Variants in PDE3B observed in about 807,000 individuals in gnomAD.
The protein encoded by PDE3B is cGMP-inhibited 3',5'-cyclic phosphodiesterase 3B.
In PDE3B, 66 loss-of-function variants were observed where a neutral mutation model predicts 116.8. That is an observed-to-expected ratio of 0.56 (90% CI 0.46 to 0.69). The LOEUF is 0.69. Among genes scored for constraint, PDE3B ranks in the 30% least tolerant of loss-of-function variants. PDE3B has a pLI of 0.00. For synonymous variants in PDE3B, 595 were observed against 533.6 expected, an observed-to-expected ratio of 1.12 and a Z score of -1.59; for missense variants, 1,384 against 1,368.1, an observed-to-expected ratio of 1.01 and a Z score of -0.18.
In PDE3B at chr11:14,714,071, T is replaced by A. The variant is rs1028280400; in HGVS notation, c.979-57866T>A. Among the ~76,000 whole-genome samples, 69 of 152,060 alleles carry A rather than the reference T, an allele frequency of 4.5e-4. 1 individual carries two copies. Among genetic ancestry groups the A allele is most frequent in the Admixed American group, 1.2e-3 (18 of 15,278 alleles). On this transcript the variant is annotated intron_variant, in intron 1 of 15. Coordinates refer to ENST00000282096, the MANE Select transcript of PDE3B (RefSeq NM_000922.4). Reference sequence around the variant, plus strand: ...GGCAGTGCGCGTGTGACTTTTTTTTTAAAAAATGACTGTAGCAGGTTGATT... The same window carrying A: ...GGCAGTGCGCGTGTGACTTTTTTTTAAAAAAATGACTGTAGCAGGTTGATT...
chr11:14,851,512 GT>G (rs1410461663), intron 12 of PDE3B, among the ~76,000 whole-genome samples: 7 of 150,028 alleles, frequency 4.7e-5, no homozygotes, highest in Admixed American at 2.0e-4. Context: ...ATAATGGGGT[GT>G]GTGTGTGTGT....
At chr11:14,855,799 T>C (rs1291714591) in intron 12 of PDE3B, among the ~76,000 whole-genome samples, 9 of 152,134 alleles carry the variant, frequency 5.9e-5, no homozygotes, top group Non-Finnish European at 1.3e-4. Context: ...TATTTTCAAG[T>C]TAGAGTTCTA....
intron 12 of PDE3B, among the ~76,000 whole-genome samples, chr11:14,853,375 G>GTAAA (rs1565165915): frequency 2.6e-5 from 4 of 152,222 alleles, no homozygotes; most frequent in Admixed American, 1.3e-4. Flanking sequence ...CATACAAAAA[G>GTAAA]CATTTAGTAA....
intron 1 of PDE3B, among the ~76,000 whole-genome samples, chr11:14,681,544 C>T (rs1481099640): frequency 6.6e-6 from 1 of 152,084 alleles, no homozygotes; most frequent in Non-Finnish European, 1.5e-5. Flanking sequence ...TATAAATTAC[C>T]CAGTCTCAGG....
At chr11:14,860,537 T>A (rs564262558) in intron 13 of PDE3B, among the ~76,000 whole-genome samples, 1 of 152,120 alleles carries the variant, frequency 6.6e-6, no homozygotes, top group Non-Finnish European at 1.5e-5. Flanking sequence ...ATAACAATAT[T>A]TAACATTTTC....
At chr11:14,719,034 T>C (rs1258412220) in intron 1 of PDE3B, among the ~76,000 whole-genome samples, 1 of 109,832 alleles carries the variant, frequency 9.1e-6, no homozygotes, top group Non-Finnish European at 1.8e-5. Context: ...GCAAGACTAA[T>C]AAAGAAAAAA....
chr11:14,859,024 T>C lies in PDE3B; in HGVS notation c.2521-19T>C. On this transcript the variant is annotated intron_variant, in intron 12 of 15. Transcript: ENST00000282096. The stretch of plus-strand genomic sequence containing the variant: ...ATATCTTTGAGGTGTCTGCCTCATT[T>C]TTCTATATTTCTTTTTAGGCAGTTT... 6.4e-7 allele frequency: 1 copy of C among 1,568,790 alleles called. No individual in the cohort carries two copies. Among genetic ancestry groups the C allele is most frequent in the South Asian group, 1.1e-5 (1 of 87,386 alleles).
intron 1 of PDE3B, among the ~76,000 whole-genome samples, chr11:14,737,953 A>C (rs888757677): frequency 8.6e-5 from 13 of 152,022 alleles, no homozygotes; most frequent in African/African-American, 2.7e-4. Context: ...TGAACTCATC[A>C]TTTTTTAAGG....
intron 1 of PDE3B, among the ~76,000 whole-genome samples, chr11:14,763,112 A>C (rs1857406776): frequency 6.6e-6 from 1 of 152,220 alleles, no homozygotes; most frequent in African/African-American, 2.4e-5. Context: ...AGTGGGGGTC[A>C]CAGCAATGTT....
At chr11:14,769,298 G>T (rs1207289716) in intron 1 of PDE3B, among the ~76,000 whole-genome samples, 2 of 151,176 alleles carry the variant, frequency 1.3e-5, no homozygotes, top group Non-Finnish European at 3.0e-5. Context: ...ATATAATATT[G>T]AAATATTGTA....
intron 1 of PDE3B, among the ~76,000 whole-genome samples, chr11:14,742,484 C>T (rs914269029): frequency 1.3e-5 from 2 of 152,190 alleles, no homozygotes; most frequent in Non-Finnish European, 2.9e-5. Context: ...AGCAATTCAT[C>T]TAACCTTTTT....
rs750850153 is a variant in PDE3B at position 14,817,716 on chromosome 11, A to G, written c.1523-467A>G. On this transcript the variant is annotated intron_variant, in intron 5 of 15. Transcript: ENST00000282096. Reference sequence around the variant, plus strand: ...GTGCCACTGGAATCCAGCCTGGGCAATGAAATGAGACCCCATCTCACAGAC... The same window carrying G: ...GTGCCACTGGAATCCAGCCTGGGCAGTGAAATGAGACCCCATCTCACAGAC... Among the ~76,000 whole-genome samples the G allele has an allele frequency of 7.2e-5, 11 of 152,308 alleles. No homozygotes were observed. The South Asian group carries it at 1.2e-3, about 17-fold the overall frequency.
chr11:14,855,040 C>G (rs1555005958), intron 12 of PDE3B, among the ~76,000 whole-genome samples: 1 of 151,848 alleles, frequency 6.6e-6, no homozygotes, highest in Non-Finnish European at 1.5e-5. Context: ...CATCAGAAAA[C>G]AAGTTAGGCT....
At chr11:14,656,006 A>G (rs1853707665) in intron 1 of PDE3B, among the ~76,000 whole-genome samples, 1 of 152,176 alleles carries the variant, frequency 6.6e-6, no homozygotes, top group South Asian at 2.1e-4. Flanking sequence ...GTTTAGAGAG[A>G]TTATTGACAA....
chr11:14,896,846 CATTCTT>C, the PDE3B span, among the ~76,000 whole-genome samples: 4 of 152,206 alleles, frequency 2.6e-5, no homozygotes, highest in African/African-American at 9.6e-5. Flanking sequence ...TTTTCATAAA[CATTCTT>C]ATATTGTGCT....
chr11:14,759,428 C>A (rs1432991214), intron 1 of PDE3B, among the ~76,000 whole-genome samples: 1 of 152,062 alleles, frequency 6.6e-6, no homozygotes, highest in Non-Finnish European at 1.5e-5. Flanking sequence ...CACCACATTC[C>A]TTTTTACACT....
At chr11:14,845,106 C>G (rs1301280135) in intron 12 of PDE3B, among the ~76,000 whole-genome samples, 5 of 152,106 alleles carry the variant, frequency 3.3e-5, no homozygotes, top group Middle Eastern at 6.8e-3. Context: ...GGCAGACTGA[C>G]ACCTCACACG....
At chr11:14,804,595 C>A (rs1858864381) in intron 5 of PDE3B, among the ~76,000 whole-genome samples, 1 of 151,866 alleles carries the variant, frequency 6.6e-6, no homozygotes, top group Non-Finnish European at 1.5e-5. Flanking sequence ...CACATAGGTA[C>A]AATTTTGTGA....
intron 1 of PDE3B, among the ~76,000 whole-genome samples, chr11:14,721,020 A>G (rs1278557692): frequency 7.5e-6 from 1 of 133,788 alleles, no homozygotes; most frequent in Non-Finnish European, 1.6e-5. Context: ...TTCGCAACCT[A>G]CTCATCTGAC....
Sources: gnomAD v4.1 joint callset for allele counts (sites outside exome capture counted in the v4.1 genomes callset) on GRCh38, gnomAD v4.1.1 for gene constraint, MANE v1.5 for transcripts, NCBI Gene and HGNC (gene_info 2026-07-23, HGNC 2026-07-21) for gene names.